Variants in CEMIP observed in about 807,000 individuals in gnomAD.
CEMIP encodes cell migration-inducing and hyaluronan-binding protein.
A neutral mutation model predicts 156.9 loss-of-function variants in CEMIP; 105 were observed. The observed-to-expected ratio is 0.67, with a 90% CI of 0.57 to 0.79. CEMIP has a LOEUF of 0.79. Ranked by LOEUF, CEMIP falls within the 30% of genes least tolerant of loss-of-function variation. The probability of loss-of-function intolerance (pLI) is 0.00; values close to 1 mark genes in which losing one functional copy is unlikely to be tolerated. For missense variants in CEMIP, 1,457 were observed against 1,769.4 expected, an observed-to-expected ratio of 0.82 and a Z score of 3.17; for synonymous variants, 676 against 668.4, an observed-to-expected ratio of 1.01 and a Z score of -0.17.
At chr15:80,867,856 G>A (rs563376834) in intron 1 of CEMIP, among the ~76,000 whole-genome samples, 2 of 152,322 alleles carry the variant, frequency 1.3e-5, no homozygotes, top group African/African-American at 2.4e-5. Flanking sequence ...AGTGGCAGAT[G>A]GAGGCGGTGG....
chr15:80,793,320 C>T (rs1896130142), intron 1 of CEMIP, among the ~76,000 whole-genome samples: 1 of 152,118 alleles, frequency 6.6e-6, no homozygotes, highest in African/African-American at 2.4e-5. Context: ...TGTGTTAGAC[C>T]AACGCCCTCA....
intron 1 of CEMIP, among the ~76,000 whole-genome samples, chr15:80,784,000 C>T: frequency 6.6e-6 from 1 of 152,174 alleles, no homozygotes; most frequent in East Asian, 1.9e-4. Context: ...CCATCCTTGC[C>T]TCCCCACCCC....
At chr15:80,921,222 CG>C (rs1466451765) in intron 16 of CEMIP, 121 bp downstream of exon 16, 5 of 853,342 alleles carry the variant, frequency 5.9e-6, no homozygotes, top group Non-Finnish European at 9.3e-6. Flanking sequence ...TCCATGCAGA[CG>C]GGCTTAGCTG....
chr15:80,897,382 T>G (rs1210015076), intron 12 of CEMIP: 1 of 455,774 alleles, frequency 2.2e-6, no homozygotes, highest in Non-Finnish European at 4.4e-6. Flanking sequence ...ACTGATGGAA[T>G]TCAGTCCCCT....
chr15:80,924,248 A>C (rs1900574540), intron 17 of CEMIP, among the ~76,000 whole-genome samples: 1 of 152,240 alleles, frequency 6.6e-6, no homozygotes, highest in Non-Finnish European at 1.5e-5. Flanking sequence ...TTTAAATCAC[A>C]GCAGATAAAT....
intron 19 of CEMIP, among the ~76,000 whole-genome samples, chr15:80,926,404 T>C (rs1900669900): frequency 1.3e-5 from 2 of 152,236 alleles, no homozygotes; most frequent in African/African-American, 2.4e-5. Flanking sequence ...AATGTCTCCT[T>C]GTCTGCCTTT....
intron 1 of CEMIP, among the ~76,000 whole-genome samples, chr15:80,784,385 G>A (rs1895873767): frequency 6.6e-6 from 1 of 152,274 alleles, no homozygotes; most frequent in African/African-American, 2.4e-5. Flanking sequence ...AGGGCCACAG[G>A]CTTCCCCAGG....
At chr15:80,866,435 CA>C (rs1898127405) in intron 1 of CEMIP, among the ~76,000 whole-genome samples, 1 of 151,830 alleles carries the variant, frequency 6.6e-6, no homozygotes, top group South Asian at 2.1e-4. Context: ...ACTGAAAATA[CA>C]AAAAAATTAG....
At chr15:80,878,988 T>G in intron 4 of CEMIP, 121 bp downstream of exon 4, 2 of 1,308,822 alleles carry the variant, frequency 1.5e-6, no homozygotes, top group Non-Finnish European at 2.2e-6. Context: ...TGGGTTCATG[T>G]TGGCATTTGG....
At chr15:80,843,948 T>C (rs1393573432) in intron 1 of CEMIP, among the ~76,000 whole-genome samples, 1 of 152,246 alleles carries the variant, frequency 6.6e-6, no homozygotes, top group Non-Finnish European at 1.5e-5. Flanking sequence ...CAGCCAGTCA[T>C]TGCCCGAGGC....
intron 5 of CEMIP, 24 bp from the exon 6 acceptor site, chr15:80,880,876 C>G (rs1166612329): frequency 6.3e-7 from 1 of 1,596,498 alleles, no homozygotes; most frequent in African/African-American, 1.3e-5. Context: ...TCAGCCAACT[C>G]TGGGGAGCTG....
At chr15:80,921,704 TC>T (rs1283295033) in intron 16 of CEMIP, among the ~76,000 whole-genome samples, 1 of 152,064 alleles carries the variant, frequency 6.6e-6, no homozygotes, top group Non-Finnish European at 1.5e-5. Context: ...ACTCATGAAA[TC>T]CCCCCATTGT....
chr15:80,928,982 C>A, intron 20 of CEMIP, 37 bp from the exon 21 acceptor site: 1 of 1,614,224 alleles, frequency 6.2e-7, no homozygotes, highest in Non-Finnish European at 8.5e-7. Flanking sequence ...GGGATCTTGT[C>A]TCTGGGCATC....
At chr15:80,817,310 T>G (rs981390106) in intron 1 of CEMIP, among the ~76,000 whole-genome samples, 2 of 152,092 alleles carry the variant, frequency 1.3e-5, no homozygotes, top group Non-Finnish European at 2.9e-5. Context: ...GTGAGTAGGC[T>G]GGGCATAGTG....
At chr15:80,891,333 AGT>A (rs1899026520) in intron 10 of CEMIP, among the ~76,000 whole-genome samples, 1 of 152,200 alleles carries the variant, frequency 6.6e-6, no homozygotes, top group Non-Finnish European at 1.5e-5. Context: ...CCCTTCCTAG[AGT>A]GTCCCAAAAC....
intron 28 of CEMIP, among the ~76,000 whole-genome samples, chr15:80,945,733 A>G (rs1461479620): frequency 3.3e-5 from 5 of 152,212 alleles, no homozygotes. Flanking sequence ...CTGTGGTTAC[A>G]GAGTTCCTTT....
intron 25 of CEMIP, among the ~76,000 whole-genome samples, chr15:80,940,972 G>A (rs74896696): frequency 0.013 from 1,986 of 152,320 alleles, 42 homozygotes; most frequent in African/African-American, 0.045. Flanking sequence ...AGCACCACCC[G>A]GTGGTGGACA....
chr15:80,932,301 G>A lies in CEMIP; in HGVS notation c.2793+262G>A, dbSNP rs562425261. Among the ~76,000 whole-genome samples the A allele has an allele frequency of 6.6e-5, 10 of 152,282 alleles. No individual in the cohort carries two copies. In the South Asian group the frequency reaches 1.9e-3, roughly 28 times the overall value. On this transcript the variant is annotated intron_variant, in intron 22 of 29. Transcript: ENST00000394685. This position sits in a 1 kb window ranked among gnomAD's most constrained non-coding sequence, Gnocchi z 4.5. ...CTCAGGCGAGCCTCTGGAGGAACCC[G>A]ACGTGTGGACTGAGGTTCCTAGGCT...
Position 80,855,954 on chromosome 15 carries a change from T to C in CEMIP, c.-175-17584T>C, listed in dbSNP as rs116860100. Among the ~76,000 whole-genome samples, 810 of 152,362 alleles carry C rather than the reference T, an allele frequency of 5.3e-3. 5 individuals are homozygous for C. Among genetic ancestry groups the C allele is most frequent in the Non-Finnish European group, 8.9e-3 (607 of 68,046 alleles). On this transcript the variant is annotated intron_variant, in intron 1 of 29. Coordinates refer to ENST00000394685, the MANE Select transcript of CEMIP (RefSeq NM_001293298.2). ...GCCATTCTAGGAAATTATCTACTGA[T>C]ACACACAGCAACGTAGGTGAATCCC...
Sources: gnomAD v4.1 joint callset for allele counts (sites outside exome capture counted in the v4.1 genomes callset) on GRCh38, gnomAD v4.1.1 for gene constraint, Gnocchi (gnomAD v3.1) non-coding constraint, MANE v1.5 for transcripts, NCBI Gene and HGNC (gene_info 2026-07-23, HGNC 2026-07-21) for gene names.